The following COL5A1 variants were observed in gnomAD, a reference collection of about 807,000 sequenced individuals.
COL5A1 encodes the protein collagen type V alpha 1 chain.
COL5A1 carries 16 observed loss-of-function variants against 263.7 expected under a neutral mutation model. That is an observed-to-expected ratio of 0.06 (90% CI 0.04 to 0.09). The LOEUF is 0.09. Ranked by LOEUF, COL5A1 falls within the 10% of genes least tolerant of loss-of-function variation. The pLI is 1.00. For synonymous variants in COL5A1, 1,012 were observed against 1,004.5 expected (o/e 1.01, Z -0.14); for missense variants, 2,036 against 2,540.5 (o/e 0.80, Z 4.27).
At chr9:134,697,203 A>G (rs1833511381) in intron 2 of COL5A1, among the ~76,000 whole-genome samples, 1 of 152,300 alleles carries the variant, frequency 6.6e-6, no homozygotes, top group East Asian at 1.9e-4. Context: ...AGCGTAGATT[A>G]TAAAGTATCA....
rs771806882 is a variant in COL5A1, at chr9:134,752,691, G to A, written c.1719+46G>A. On this transcript the variant is annotated intron_variant, in intron 14 of 65. Coordinates refer to ENST00000371817, the MANE Select transcript of COL5A1 (RefSeq NM_000093.5). Reference sequence around the variant, plus strand: ...AGAGCTGGGCGTGGTGTGGGGATTGGCCCACTCCCTGTGTCGTTGGCGGAC... The same window carrying A: ...AGAGCTGGGCGTGGTGTGGGGATTGACCCACTCCCTGTGTCGTTGGCGGAC... The A allele has an allele frequency of 9.0e-6, 13 of 1,451,510 alleles. No homozygotes were observed. In the Middle Eastern group the frequency reaches 8.7e-4, roughly 97 times the overall value. 89.9% of individuals were successfully genotyped at this position (1,451,510 alleles called of 1,614,324 possible). A position where few individuals can be genotyped will look rare whatever the true frequency, so the allele number is the denominator to read the frequency against.
chr9:134,763,111 C>T (rs1409928113), intron 19 of COL5A1, among the ~76,000 whole-genome samples: 2 of 152,046 alleles, frequency 1.3e-5, no homozygotes, highest in Admixed American at 1.3e-4. Flanking sequence ...TGTGTGTAGG[C>T]ATGTGTAGGC....
chr9:134,709,621 C>T (rs1232849940), intron 4 of COL5A1, among the ~76,000 whole-genome samples: 3 of 152,194 alleles, frequency 2.0e-5, no homozygotes, highest in Non-Finnish European at 4.4e-5. Context: ...TGGGCAGGGC[C>T]TGCCTCTTCC....
At chr9:134,683,509 G>T (rs1462018407) in intron 1 of COL5A1, among the ~76,000 whole-genome samples, 1 of 152,192 alleles carries the variant, frequency 6.6e-6, no homozygotes, top group African/African-American at 2.4e-5. Context: ...AGTTTCTGTA[G>T]ATGTTCAGGC....
chr9:134,719,420 AC>A (rs1284562623), intron 4 of COL5A1, among the ~76,000 whole-genome samples: 3 of 152,222 alleles, frequency 2.0e-5, no homozygotes, highest in Non-Finnish European at 4.4e-5. Context: ...GGACACATGC[AC>A]GCACACGTAT....
At position 134,826,850 on chromosome 9, in the gene COL5A1, G is replaced by A. The variant is rs546429786; in HGVS notation, c.5067+946G>A. 2.7e-3 allele frequency among the ~76,000 whole-genome samples: 402 copies of A among 149,532 alleles called. 2 individuals carry two copies. Among genetic ancestry groups the A allele is most frequent in the African/African-American group, 9.6e-3 (392 of 40,674 alleles). On this transcript the variant is annotated intron_variant, in intron 63 of 65. Transcript: ENST00000371817. ...TGGTGTGTGGATGTGTATATGGTGT[G>A]TGGGTGTGTGTGGCTGGTGTATGTG... is the stretch of plus-strand genomic sequence containing the variant.
At position 134,642,261 on chromosome 9, in the gene COL5A1, TG is replaced by T; in HGVS notation, c.75del (p.Leu26CysfsTer18). 8.1e-7 allele frequency: 1 copy of T among 1,238,694 alleles called. No individual in the cohort carries two copies. The highest frequency in any genetic ancestry group is 1.0e-6 in the Non-Finnish European group (1 of 983,916). The allele number at this position is 1,238,694 out of a possible 1,614,324, so 76.7% of individuals were successfully genotyped here. A position where few individuals can be genotyped will look rare whatever the true frequency, so the allele number is the denominator to read the frequency against. ...GCCCCGCTGCTGCCCCCGCTGCTGC[TG>T]CTGCTGCTGTGGGCGCCGCCTCCGA... ...PGAPLLPPLL[L>X]LLLWAPPPSR... On this transcript the variant is annotated frameshift_variant, in exon 1 of 66. Coordinates refer to ENST00000371817, the MANE Select transcript of COL5A1 (RefSeq NM_000093.5). LOFTEE classifies it high-confidence loss of function. The surrounding 1 kb of genome is among the most constrained non-coding windows in gnomAD (Gnocchi z 4.5).
At chr9:134,654,323 TGG>T (rs1201087363) in intron 1 of COL5A1, among the ~76,000 whole-genome samples, 7 of 98,512 alleles carry the variant, frequency 7.1e-5, no homozygotes, top group Non-Finnish European at 8.1e-5. Flanking sequence ...AGTGTAGGGC[TGG>T]GGTGTGTGTA....
intron 4 of COL5A1, among the ~76,000 whole-genome samples, chr9:134,710,467 GA>G (rs1833984674): frequency 6.6e-6 from 1 of 150,970 alleles, no homozygotes; most frequent in African/African-American, 2.4e-5. Flanking sequence ...AGTGGTGGGG[GA>G]GGGGCCCCGT....
intron 63 of COL5A1, among the ~76,000 whole-genome samples, chr9:134,828,253 C>T (rs1839377249): frequency 6.6e-6 from 1 of 152,204 alleles, no homozygotes; most frequent in Admixed American, 6.5e-5. Context: ...GCCTGCCCTG[C>T]TGGGCCCAGC....
intron 39 of COL5A1, among the ~76,000 whole-genome samples, chr9:134,804,302 C>T (rs745372112): frequency 1.3e-5 from 2 of 152,092 alleles, no homozygotes; most frequent in African/African-American, 4.8e-5. Flanking sequence ...CATGTTGGAC[C>T]CCAGAGAACA....
At position 134,802,881 on chromosome 9, in the gene COL5A1, C is replaced by T; in HGVS notation, c.3007-7C>T. 1 of 1,606,700 alleles carries T rather than the reference C, an allele frequency of 6.2e-7. No individual in the cohort carries two copies. Reference sequence around the variant, plus strand: ...ACGTCTGTGGCTGACACTGATTTTCCCCACAGGGTCCCACGGGAGAAACGG... The same window carrying T: ...ACGTCTGTGGCTGACACTGATTTTCTCCACAGGGTCCCACGGGAGAAACGG... On this transcript the variant is annotated splice_polypyrimidine_tract_variant and splice_region_variant and intron_variant, in intron 38 of 65. Coordinates refer to ENST00000371817, the MANE Select transcript of COL5A1 (RefSeq NM_000093.5).
intron 4 of COL5A1, among the ~76,000 whole-genome samples, chr9:134,725,190 G>A (rs958840854): frequency 7.9e-5 from 12 of 152,186 alleles, no homozygotes; most frequent in Non-Finnish European, 1.0e-4. Flanking sequence ...GTGGTGGGGC[G>A]TGTAGTGGTT....
At chr9:134,731,399 G>C (rs1834874265) in intron 7 of COL5A1, 97 bp from the exon 8 acceptor site, 2 of 1,265,894 alleles carry the variant, frequency 1.6e-6, no homozygotes, top group African/African-American at 2.9e-5. Flanking sequence ...TCTCTGCCCA[G>C]TTGACCGGAT....
intron 63 of COL5A1, among the ~76,000 whole-genome samples, chr9:134,826,975 TGA>T (rs2132892733): frequency 6.6e-6 from 1 of 152,274 alleles, no homozygotes; most frequent in Non-Finnish European, 1.5e-5. Flanking sequence ...AGGCGAGGAC[TGA>T]GTCTCCCTGT....
At position 134,768,535 on chromosome 9, in the gene COL5A1, A is replaced by C. The variant is rs1421864879; in HGVS notation, c.2286+72A>C. On this transcript the variant is annotated intron_variant, in intron 25 of 65. Transcript: ENST00000371817. The stretch of plus-strand genomic sequence containing the variant: ...ACCCTGCGGATAGGGCTGCAGGCCC[A>C]GGCTCTTTGGGGTTGTTGTTGGACG... 17 of 1,468,498 alleles carry C rather than the reference A, an allele frequency of 1.2e-5. No individual in the cohort carries two copies. The South Asian group carries it at 1.7e-4, about 15-fold the overall frequency. The allele number at this position is 1,468,498 out of a possible 1,614,324, so 91.0% of individuals were successfully genotyped here. A position where few individuals can be genotyped will look rare whatever the true frequency, so the allele number is the denominator to read the frequency against.
rs1285019415 is a variant in COL5A1 at position 134,844,155 on chromosome 9, A to G, written c.*1852A>G. ...TGCAGTTCCAGCTTAGGAAGCCACAAACAAGCCACCCAGGAGGAACAAAAC... is the reference window on the plus strand; with the variant it reads ...TGCAGTTCCAGCTTAGGAAGCCACAGACAAGCCACCCAGGAGGAACAAAAC... On this transcript the variant is annotated 3_prime_UTR_variant, in exon 66 of 66. Transcript: ENST00000371817. 6.6e-6 allele frequency: 1 copy of G among 152,600 alleles called. No individual in the cohort carries two copies. The highest frequency in any genetic ancestry group is 1.5e-5 in the Non-Finnish European group (1 of 68,050). 9.5% of individuals were successfully genotyped at this position (152,600 alleles called of 1,614,324 possible).
intron 4 of COL5A1, among the ~76,000 whole-genome samples, chr9:134,715,977 CTGGTGGTGG>C (rs58511351): frequency 2.9e-4 from 44 of 149,684 alleles, no homozygotes; most frequent in Admixed American, 8.7e-4. Context: ...GATGGTGATG[CTGGTGGTGG>C]TGGTGGTGGT....
At chr9:134,697,406 T>C (rs1477136929) in intron 2 of COL5A1, among the ~76,000 whole-genome samples, 1 of 151,930 alleles carries the variant, frequency 6.6e-6, no homozygotes, top group African/African-American at 2.4e-5. Flanking sequence ...GAGATGGGGG[T>C]TCGTGGGCCT....
Sources: allele counts gnomAD v4.1 joint callset (sites outside exome capture counted in the v4.1 genomes callset), GRCh38; gene constraint gnomAD v4.1.1; non-coding constraint Gnocchi (gnomAD v3.1); transcripts MANE v1.5; gene names NCBI Gene and HGNC (gene_info 2026-07-23, HGNC 2026-07-21).